Variants in C1orf52 observed in about 807,000 individuals in gnomAD.
C1orf52 encodes the protein chromosome 1 open reading frame 52.
C1orf52 carries 5 observed loss-of-function variants against 17.2 expected under a neutral mutation model. The ratio of observed to expected loss-of-function variants is 0.29; its 90% CI spans 0.15 to 0.61. The LOEUF (loss-of-function observed/expected upper bound fraction) is 0.61. C1orf52 is among the 20% of genes least tolerant of loss of function. The probability of loss-of-function intolerance (pLI) is 0.85; values close to 1 mark genes in which losing one functional copy is unlikely to be tolerated. For synonymous variants in C1orf52, 110 were observed against 88.0 expected (o/e 1.25, Z -1.40); for missense variants, 245 against 234.1 (o/e 1.05, Z -0.30).
In C1orf52 at chr1:85,259,448, C is replaced by T. The variant is rs1234702416; in HGVS notation, c.186G>A (p.Leu62=). 5 of 1,614,062 alleles carry T rather than the reference C, an allele frequency of 3.1e-6. No individual in the cohort carries two copies. Among genetic ancestry groups the T allele is most frequent in the Middle Eastern group, 1.7e-4 (1 of 5,974 alleles). The part of the protein sequence containing the change: ...AEKRLPGPDE[L]FRSVTRPAFL... ...AGGCCGGGCGAGTCACGCTCCTAAA[C>T]AGCTCGTCAGGTCCCGGGAGCCGCT... Residue 62 remains leucine, a synonymous_variant, in exon 1 of 3, where the codon CTG becomes CTA. Transcript: ENST00000471115.
intron 2 of C1orf52, among the ~76,000 whole-genome samples, chr1:85,254,401 T>C (rs1271058938): frequency 6.6e-6 from 1 of 151,984 alleles, no homozygotes; most frequent in Non-Finnish European, 1.5e-5. Context: ...TTTGCTTTTT[T>C]TTTTTTTTGA....
At chr1:85,259,055 G>T in intron 1 of C1orf52, 1 of 1,349,832 alleles carries the variant, frequency 7.4e-7, no homozygotes, top group Non-Finnish European at 9.5e-7. Context: ...GGGGTCTCAG[G>T]GAGAAGCTGC....
rs1659795318 is a variant in C1orf52, at chr1:85,251,270, C to CGA, written c.*1358_*1359insTC. The CGA allele has an allele frequency of 6.6e-6, 1 of 152,128 alleles. No homozygotes were observed. The highest frequency in any genetic ancestry group is 1.5e-5 in the Non-Finnish European group (1 of 68,026). The allele number at this position is 152,128 out of a possible 1,614,324, so 9.4% of individuals were successfully genotyped here. Reference sequence around the variant, plus strand: ...CTTATCATGTTGTCTAGGCTGGTCTCCAACTCTTGGCCTCAAGCTATCCTC... The same window carrying CGA: ...CTTATCATGTTGTCTAGGCTGGTCTCGACAACTCTTGGCCTCAAGCTATCCTC... On this transcript the variant is annotated 3_prime_UTR_variant, in exon 3 of 3. Coordinates refer to ENST00000471115, the MANE Select transcript of C1orf52 (RefSeq NM_198077.4).
At chr1:85,257,715 C>T (rs191861657) in intron 2 of C1orf52, among the ~76,000 whole-genome samples, 20 of 152,332 alleles carry the variant, frequency 1.3e-4, no homozygotes, top group African/African-American at 3.8e-4. Flanking sequence ...AGTAAAACAA[C>T]TCAGTCATTA....
In C1orf52 at chr1:85,250,527, T is replaced by C. The variant is rs1235288106; in HGVS notation, c.*2102A>G. ...ATGTGATGATGAATGTAGAGTGATATGACAGTCCGTTTTCCAACCAGGAGA... is the reference window on the plus strand; with the variant it reads ...ATGTGATGATGAATGTAGAGTGATACGACAGTCCGTTTTCCAACCAGGAGA... On this transcript the variant is annotated 3_prime_UTR_variant, in exon 3 of 3. Transcript: ENST00000471115. The C allele has an allele frequency of 1.3e-5, 2 of 152,216 alleles. No individual in the cohort carries two copies. The highest frequency in any genetic ancestry group is 4.8e-5 in the African/African-American group (2 of 41,452). 9.4% of individuals were successfully genotyped at this position (152,216 alleles called of 1,614,324 possible).
chr1:85,254,493 G>A (rs574517832), intron 2 of C1orf52, among the ~76,000 whole-genome samples: 55 of 151,488 alleles, frequency 3.6e-4, no homozygotes, highest in Admixed American at 1.1e-3. Context: ...CCAGGTTCAC[G>A]CCATTCTCCT....
At position 85,258,833 on chromosome 1, in the gene C1orf52, T is replaced by C. The variant is rs990566036; in HGVS notation, c.277-111A>G. ...TTATCGTTCAGGCTGACTTTTTTTT[T>C]CTTTAAGGTTGAAAGACACATTTTT... is the stretch of plus-strand genomic sequence containing the variant. On this transcript the variant is annotated intron_variant, in intron 1 of 2. Coordinates refer to ENST00000471115, the MANE Select transcript of C1orf52 (RefSeq NM_198077.4). 5 of 1,417,646 alleles carry C rather than the reference T, an allele frequency of 3.5e-6. No homozygotes were observed. In the Admixed American group the frequency reaches 1.1e-4, roughly 32 times the overall value. 87.8% of individuals were successfully genotyped at this position (1,417,646 alleles called of 1,614,324 possible).
intron 2 of C1orf52, among the ~76,000 whole-genome samples, chr1:85,254,376 A>G (rs1039153871): frequency 6.6e-6 from 1 of 151,264 alleles, no homozygotes; most frequent in South Asian, 2.1e-4. Context: ...TATACCACCA[A>G]AACAAGCCAA....
In C1orf52 at chr1:85,250,446, A is replaced by C. The variant is rs1405092689; in HGVS notation, c.*2183T>G. On this transcript the variant is annotated 3_prime_UTR_variant, in exon 3 of 3. Transcript: ENST00000471115. Reference sequence around the variant, plus strand: ...ACTTCACCTCAGTACCCACATGGACACTTGTGCAAACACGTTCCCAGGACA... The same window carrying C: ...ACTTCACCTCAGTACCCACATGGACCCTTGTGCAAACACGTTCCCAGGACA... The C allele has an allele frequency of 1.3e-5, 2 of 152,220 alleles. No homozygotes were observed. The highest frequency in any genetic ancestry group is 6.5e-5 in the Admixed American group (1 of 15,282). 9.4% of individuals were successfully genotyped at this position (152,220 alleles called of 1,614,324 possible).
At position 85,251,199 on chromosome 1, in the gene C1orf52, AGATT is replaced by A. The variant is rs1437446668; in HGVS notation, c.*1426_*1429del. 6.6e-6 allele frequency: 1 copy of A among 152,208 alleles called. No individual in the cohort carries two copies. The highest frequency in any genetic ancestry group is 1.5e-5 in the Non-Finnish European group (1 of 68,028). 9.4% of individuals were successfully genotyped at this position (152,208 alleles called of 1,614,324 possible). A position where few individuals can be genotyped will look rare whatever the true frequency, so the allele number is the denominator to read the frequency against. On this transcript the variant is annotated 3_prime_UTR_variant, in exon 3 of 3. Coordinates refer to ENST00000471115, the MANE Select transcript of C1orf52 (RefSeq NM_198077.4). ...AAAACAGATTTAAAAAAAAATACTT[AGATT>A]ATGTCTTTTTCTTTCTAAATTATTT...
In C1orf52 at chr1:85,251,037, T is replaced by C. The variant is rs1207347876; in HGVS notation, c.*1592A>G. On this transcript the variant is annotated 3_prime_UTR_variant, in exon 3 of 3. Transcript: ENST00000471115. ...TATACTGGAAGCCATCATGCTGTTA[T>C]GGACCTTCATTCCACAAAGCACCAT... 6.6e-6 allele frequency: 1 copy of C among 152,270 alleles called. No individual in the cohort carries two copies. Among genetic ancestry groups the C allele is most frequent in the African/African-American group, 2.4e-5 (1 of 41,476 alleles). The allele number at this position is 152,270 out of a possible 1,614,324, so 9.4% of individuals were successfully genotyped here.
At position 85,252,241 on chromosome 1, in the gene C1orf52, A is replaced by C; in HGVS notation, c.*388T>G. 1 of 191,422 alleles carries C rather than the reference A, an allele frequency of 5.2e-6. No individual in the cohort carries two copies. Among genetic ancestry groups the C allele is most frequent in the Non-Finnish European group, 1.1e-5 (1 of 93,210 alleles). 11.9% of individuals were successfully genotyped at this position (191,422 alleles called of 1,614,324 possible). A position where few individuals can be genotyped will look rare whatever the true frequency, so the allele number is the denominator to read the frequency against. ...TTTCCATGATCTATTTACACTGTAC[A>C]AAGACTGTTGAAAAGCACCCTACAA... On this transcript the variant is annotated 3_prime_UTR_variant, in exon 3 of 3. Coordinates refer to ENST00000471115, the MANE Select transcript of C1orf52 (RefSeq NM_198077.4).
rs1659775557 is a variant in C1orf52 at position 85,250,510 on chromosome 1, AT to A, written c.*2118del. ...AAATAATCTATTCTCTAATGTGATGATGAATGTAGAGTGATATGACAGTCCG... is the reference window on the plus strand; with the variant it reads ...AAATAATCTATTCTCTAATGTGATGAGAATGTAGAGTGATATGACAGTCCG... On this transcript the variant is annotated 3_prime_UTR_variant, in exon 3 of 3. Coordinates refer to ENST00000471115, the MANE Select transcript of C1orf52 (RefSeq NM_198077.4). 1 of 152,222 alleles carries A rather than the reference AT, an allele frequency of 6.6e-6. No individual in the cohort carries two copies. The highest frequency in any genetic ancestry group is 1.5e-5 in the Non-Finnish European group (1 of 68,054). 9.4% of individuals were successfully genotyped at this position (152,222 alleles called of 1,614,324 possible). A position where few individuals can be genotyped will look rare whatever the true frequency, so the allele number is the denominator to read the frequency against.
At chr1:85,259,308 A>AG (rs781314734) in intron 1 of C1orf52, 50 bp downstream of exon 1, 1 of 1,548,206 alleles carries the variant, frequency 6.5e-7, no homozygotes, top group Non-Finnish European at 8.7e-7. Context: ...CTCAGGAGAA[A>AG]GGGGGCGCAG....
rs752385024 is a variant in C1orf52 at position 85,259,569 on chromosome 1, G to T, written c.65C>A (p.Ser22Tyr). The T allele has an allele frequency of 1.4e-5, 23 of 1,611,190 alleles. No individual in the cohort carries two copies. The South Asian group carries it at 2.5e-4, about 18-fold the overall frequency. ...FAAYGSSSSG[S>Y]SDEEDNIEPE... The stretch of plus-strand genomic sequence containing the variant: ...CTCGATGTTATCCTCCTCGTCCGAG[G>T]AGCCTGAGCTGCTGCTCCCGTATGC... Residue 22 changes from serine to tyrosine, a missense_variant, in exon 1 of 3, where the codon TCC becomes TAC. Transcript: ENST00000471115.
intron 2 of C1orf52, among the ~76,000 whole-genome samples, chr1:85,257,652 A>C: frequency 6.6e-6 from 1 of 152,226 alleles, no homozygotes; most frequent in East Asian, 1.9e-4. Context: ...TGTGTAGGCA[A>C]AGATTACTGT....
rs1173115034 is a variant in C1orf52, at chr1:85,252,349, T to C, written c.*280A>G. The C allele has an allele frequency of 1.5e-5, 6 of 390,146 alleles. No homozygotes were observed. The East Asian group carries it at 3.1e-4, about 20-fold the overall frequency. The allele number at this position is 390,146 out of a possible 1,614,324, so 24.2% of individuals were successfully genotyped here. A position where few individuals can be genotyped will look rare whatever the true frequency, so the allele number is the denominator to read the frequency against. On this transcript the variant is annotated 3_prime_UTR_variant, in exon 3 of 3. Transcript: ENST00000471115. The stretch of plus-strand genomic sequence containing the variant: ...ATAAGAACATTGGCATGTCAACATG[T>C]GACAAAACTCTCAAAGCATGTCACC...
At chr1:85,253,747 A>G (rs2100731541) in intron 2 of C1orf52, among the ~76,000 whole-genome samples, 1 of 148,464 alleles carries the variant, frequency 6.7e-6, no homozygotes, top group East Asian at 2.0e-4. Context: ...CTTTTATTGT[A>G]TTTTAAAAAA....
At position 85,258,382 on chromosome 1, in the gene C1orf52, A is replaced by C. The variant is rs1043815183; in HGVS notation, c.475+142T>G. The C allele has an allele frequency of 8.5e-5, 69 of 812,658 alleles. 2 individuals carry two copies. The highest frequency in any genetic ancestry group is 7.3e-4 in the African/African-American group (42 of 57,856). 50.3% of individuals were successfully genotyped at this position (812,658 alleles called of 1,614,324 possible). A position where few individuals can be genotyped will look rare whatever the true frequency, so the allele number is the denominator to read the frequency against. The stretch of plus-strand genomic sequence containing the variant: ...GCCAAATATGTATGATCTTTCTCAA[A>C]AGCAGAGCAGTAAGTATCCAAAGAC... On this transcript the variant is annotated intron_variant, in intron 2 of 2. Transcript: ENST00000471115.
Sources: allele counts gnomAD v4.1 joint callset (sites outside exome capture counted in the v4.1 genomes callset), GRCh38; gene constraint gnomAD v4.1.1; transcripts MANE v1.5; gene names NCBI Gene and HGNC (gene_info 2026-07-23, HGNC 2026-07-21).